The following RYR3 variants were observed in gnomAD, a reference collection of about 807,000 sequenced individuals.
RYR3 encodes the protein brain ryanodine receptor-calcium release channel.
In RYR3, 207 loss-of-function variants were observed where a neutral mutation model predicts 584.3. The observed-to-expected ratio is 0.35, with a 90% confidence interval of 0.32 to 0.40. The LOEUF (loss-of-function observed/expected upper bound fraction) is 0.40, where lower values mean the gene tolerates loss of function less well. RYR3 is among the 10% of genes least tolerant of loss of function. The pLI is 1.00. For synonymous variants in RYR3, 2,416 were observed against 2,248.5 expected (o/e 1.07, Z -2.11); for missense variants, 5,616 against 6,089.2 (o/e 0.92, Z 2.59).
chr15:33,552,245 T>G (rs1004488947), intron 10 of RYR3, among the ~76,000 whole-genome samples: 20 of 152,190 alleles, frequency 1.3e-4, no homozygotes, highest in African/African-American at 4.8e-4. Flanking sequence ...GGGTCAGCAC[T>G]GTGCTGTGGT....
intron 1 of RYR3, among the ~76,000 whole-genome samples, chr15:33,369,983 A>C (rs571281682): frequency 1.1e-4 from 17 of 152,200 alleles, no homozygotes; most frequent in Non-Finnish European, 2.5e-4. Context: ...CACATGGAAA[A>C]TGCTCATCAA....
chr15:33,685,555 T>C (rs1202188915), intron 38 of RYR3, among the ~76,000 whole-genome samples: 2 of 152,152 alleles, frequency 1.3e-5, no homozygotes, highest in Non-Finnish European at 2.9e-5. Context: ...TTAACAAGGA[T>C]ATCCAGGAAT....
chr15:33,859,968 T>G (rs539729378), intron 100 of RYR3, among the ~76,000 whole-genome samples: 1 of 152,284 alleles, frequency 6.6e-6, no homozygotes, highest in Admixed American at 6.5e-5. Context: ...TTCCTTCTGT[T>G]CCTCTACTCT....
At chr15:33,612,650 G>A (rs2060253681) in intron 18 of RYR3, among the ~76,000 whole-genome samples, 1 of 152,194 alleles carries the variant, frequency 6.6e-6, no homozygotes, top group South Asian at 2.1e-4. Context: ...GTGAGCCACT[G>A]TGCCCAGCCT....
At chr15:33,743,537 G>C (rs2070382905) in intron 52 of RYR3, among the ~76,000 whole-genome samples, 2 of 152,172 alleles carry the variant, frequency 1.3e-5, no homozygotes, top group Non-Finnish European at 2.9e-5. Flanking sequence ...GCATAGCCAG[G>C]TGGCCCTTGC....
At chr15:33,835,566 C>G (rs1221262163) in intron 87 of RYR3, among the ~76,000 whole-genome samples, 1 of 152,124 alleles carries the variant, frequency 6.6e-6, no homozygotes, top group Non-Finnish European at 1.5e-5. Context: ...TTATTATGAA[C>G]AAATAAATGT....
chr15:33,456,327 A>T (rs1451528146), intron 1 of RYR3, among the ~76,000 whole-genome samples: 1 of 152,256 alleles, frequency 6.6e-6, no homozygotes, highest in Non-Finnish European at 1.5e-5. Flanking sequence ...AGGATTAACT[A>T]GTTAATGGAC....
At chr15:33,543,356 C>A (rs1193100274) in intron 7 of RYR3, among the ~76,000 whole-genome samples, 2 of 152,126 alleles carry the variant, frequency 1.3e-5, no homozygotes, top group African/African-American at 4.8e-5. Flanking sequence ...TTAATGATAT[C>A]AATTGGCACA....
chr15:33,514,781 C>T (rs1306168268), intron 3 of RYR3, among the ~76,000 whole-genome samples: 1 of 151,972 alleles, frequency 6.6e-6, no homozygotes, highest in Non-Finnish European at 1.5e-5. Flanking sequence ...ATAGGCAGAT[C>T]ACGAGGTCAG....
intron 2 of RYR3, among the ~76,000 whole-genome samples, chr15:33,476,201 C>T (rs1290605500): frequency 1.3e-5 from 2 of 152,126 alleles, no homozygotes; most frequent in Non-Finnish European, 2.9e-5. Flanking sequence ...CTGTATTTAT[C>T]GTTGTTTTAC....
intron 52 of RYR3, among the ~76,000 whole-genome samples, chr15:33,743,492 T>TA (rs1006820101): frequency 5.3e-5 from 8 of 152,070 alleles, no homozygotes; most frequent in Admixed American, 2.6e-4. Context: ...TTTTATTAAT[T>TA]AAAAAAAGGT....
intron 43 of RYR3, among the ~76,000 whole-genome samples, chr15:33,711,362 G>T (rs2152793520): frequency 6.8e-6 from 1 of 147,078 alleles, no homozygotes; most frequent in African/African-American, 2.5e-5. Flanking sequence ...TCCTGCCTCA[G>T]CCTCCTGAGT....
At chr15:33,607,797 G>A (rs1224133711) in intron 18 of RYR3, among the ~76,000 whole-genome samples, 1 of 151,914 alleles carries the variant, frequency 6.6e-6, no homozygotes, top group African/African-American at 2.4e-5. Context: ...AATAATTAAG[G>A]TTCCTGGAGT....
At chr15:33,731,388 A>C (rs530222266) in intron 47 of RYR3, 86 bp from the exon 48 acceptor site, 1 of 908,976 alleles carries the variant, frequency 1.1e-6, no homozygotes, top group South Asian at 1.4e-5. Flanking sequence ...AAGCTCCCAC[A>C]GCTTGCTACA....
At position 33,360,922 on chromosome 15, in the gene RYR3, C is replaced by A. The variant is rs913729501; in HGVS notation, c.51+49826C>A. Among the ~76,000 whole-genome samples the A allele has an allele frequency of 6.6e-5, 10 of 152,376 alleles. 1 individual carries two copies. In the East Asian group the frequency reaches 1.3e-3, roughly 21 times the overall value. ...GACCTGAGCAGAGGTTGCACACCCA[C>A]TTCCCCATTGATTCCCTTCTCTCTG... On this transcript the variant is annotated intron_variant, in intron 1 of 103. Transcript: ENST00000634891.
At chr15:33,647,769 G>A (rs1018705409) in intron 30 of RYR3, among the ~76,000 whole-genome samples, 1 of 152,112 alleles carries the variant, frequency 6.6e-6, no homozygotes, top group East Asian at 1.9e-4. Context: ...GTTGGAGGGC[G>A]CTCAATTAAA....
intron 43 of RYR3, among the ~76,000 whole-genome samples, chr15:33,719,404 CTG>C (rs2067736671): frequency 6.6e-6 from 1 of 152,196 alleles, no homozygotes; most frequent in Non-Finnish European, 1.5e-5. Flanking sequence ...ATGCCAATCA[CTG>C]TGGGAAAGGC....
At chr15:33,610,646 C>G (rs1011497143) in intron 18 of RYR3, among the ~76,000 whole-genome samples, 15 of 152,200 alleles carry the variant, frequency 9.9e-5, no homozygotes, top group Non-Finnish European at 1.8e-4. Context: ...AGTTTAGAAT[C>G]TGTTATAGGT....
In RYR3 at chr15:33,705,101, T is replaced by TTCTCTCTCTCTCTCTCTC. The variant is rs10534581; in HGVS notation, c.6484-1801_6484-1784dup. Among the ~76,000 whole-genome samples the TTCTCTCTCTCTCTCTCTC allele has an allele frequency of 3.7e-3, 529 of 142,158 alleles. 6 individuals carry two copies. The highest frequency in any genetic ancestry group is 0.012 in the African/African-American group (436 of 36,942). The allele number at this position is 142,158 out of a possible 152,430, so 93.3% of individuals were successfully genotyped here. A position where few individuals can be genotyped will look rare whatever the true frequency, so the allele number is the denominator to read the frequency against. On this transcript the variant is annotated intron_variant, in intron 42 of 103. Coordinates refer to ENST00000634891, the MANE Select transcript of RYR3 (RefSeq NM_001036.6). ...GCACACACACATGCACACACACTCT[T>TTCTCTCTCTCTCTCTCTC]TCTCTCTCTCTCTCTCTCTCTCTCT...
Sources: allele counts gnomAD v4.1 joint callset (sites outside exome capture counted in the v4.1 genomes callset), GRCh38; gene constraint gnomAD v4.1.1; transcripts MANE v1.5; gene names NCBI Gene and HGNC (gene_info 2026-07-23, HGNC 2026-07-21).